Variants in PPP1R12A observed in about 807,000 individuals in gnomAD.
The protein encoded by PPP1R12A is protein phosphatase 1 regulatory subunit 12A.
In PPP1R12A, 19 loss-of-function variants were observed where a neutral mutation model predicts 139.6. The ratio of observed to expected loss-of-function variants is 0.14; its 90% CI spans 0.09 to 0.20. The LOEUF is 0.20. PPP1R12A is among the 10% of genes least tolerant of loss of function. The probability of loss-of-function intolerance (pLI) is 1.00; values close to 1 mark genes in which losing one functional copy is unlikely to be tolerated. For synonymous variants in PPP1R12A, 427 were observed against 420.6 expected (o/e 1.02, Z -0.19); for missense variants, 925 against 1,211.5 (o/e 0.76, Z 3.51).
chr12:79,895,463 T>C (rs1885047776), intron 1 of PPP1R12A, among the ~76,000 whole-genome samples: 3 of 152,290 alleles, frequency 2.0e-5, no homozygotes, highest in Admixed American at 1.3e-4. Context: ...CACTGTATGA[T>C]GTAATTTTTA....
intron 4 of PPP1R12A, 106 bp from the exon 5 acceptor site, chr12:79,828,570 TTTTC>T: frequency 2.2e-6 from 2 of 909,614 alleles, no homozygotes; most frequent in Non-Finnish European, 3.1e-6. Flanking sequence ...AATTAATTTC[TTTTC>T]AGAATTTACA....
At chr12:79,900,856 C>T (rs1885574434) in intron 1 of PPP1R12A, among the ~76,000 whole-genome samples, 1 of 152,154 alleles carries the variant, frequency 6.6e-6, no homozygotes, top group Non-Finnish European at 1.5e-5. Context: ...GGTATCCATG[C>T]ACCAAATAAA....
At chr12:79,826,910 G>A (rs1876850967) in intron 5 of PPP1R12A, among the ~76,000 whole-genome samples, 1 of 152,136 alleles carries the variant, frequency 6.6e-6, no homozygotes, top group Non-Finnish European at 1.5e-5. Context: ...TATCAGCACT[G>A]CCCATATGAA....
At chr12:79,792,328 T>G (rs1871980003) in intron 19 of PPP1R12A, among the ~76,000 whole-genome samples, 1 of 152,206 alleles carries the variant, frequency 6.6e-6, no homozygotes, top group African/African-American at 2.4e-5. Context: ...AGGCCCTGTC[T>G]ATCCTAAGCC....
chr12:79,841,465 G>A (rs942295750), intron 3 of PPP1R12A, among the ~76,000 whole-genome samples: 1 of 152,114 alleles, frequency 6.6e-6, no homozygotes, highest in African/African-American at 2.4e-5. Context: ...GGATTGTCTT[G>A]CTTTTTTTAT....
At position 79,855,014 on chromosome 12, in the gene PPP1R12A, A is replaced by C. The variant is rs188452095; in HGVS notation, c.369-9594T>G. On this transcript the variant is annotated intron_variant, in intron 2 of 24. Transcript: ENST00000450142. ...TATTATTATTATTATTTTGAGATGGACCCTTGCTCTGTCGCCCAGGCTGGA... is the reference window on the plus strand; with the variant it reads ...TATTATTATTATTATTTTGAGATGGCCCCTTGCTCTGTCGCCCAGGCTGGA... 5.2e-3 allele frequency among the ~76,000 whole-genome samples: 793 copies of C among 151,950 alleles called. 5 individuals are homozygous for C. The highest frequency in any genetic ancestry group is 0.018 in the African/African-American group (753 of 41,448).
chr12:79,778,207 CA>C (rs1295943323), intron 24 of PPP1R12A: 1 of 156,364 alleles, frequency 6.4e-6, no homozygotes, highest in Non-Finnish European at 1.4e-5. Context: ...TATATAGAAA[CA>C]TAAAGAATAA....
intron 1 of PPP1R12A, among the ~76,000 whole-genome samples, chr12:79,901,173 G>C (rs1026029169): frequency 6.6e-6 from 1 of 152,190 alleles, no homozygotes; most frequent in Non-Finnish European, 1.5e-5. Context: ...TTTGGCAGAA[G>C]TAACTGTTTG....
intron 1 of PPP1R12A, among the ~76,000 whole-genome samples, chr12:79,920,433 G>A (rs1202894238): frequency 6.6e-6 from 1 of 152,222 alleles, no homozygotes; most frequent in Non-Finnish European, 1.5e-5. Context: ...GAAAATGCCA[G>A]ACTGTTTTGA....
chr12:79,775,968 AT>A lies in PPP1R12A; in HGVS notation c.3053del (p.Asn1018MetfsTer4). On this transcript the variant is annotated frameshift_variant, in exon 25 of 25. Coordinates refer to ENST00000450142, the MANE Select transcript of PPP1R12A (RefSeq NM_002480.3). LOFTEE classifies it high-confidence loss of function. Reference sequence around the variant, plus strand: ...TGCTTATAACTCTGATCAAGGCCCCATTTTCATCCTTTAGCCTCTGGTTGTC... The same window carrying A: ...TGCTTATAACTCTGATCAAGGCCCCATTTCATCCTTTAGCCTCTGGTTGTC... The part of the protein sequence containing the change: ...KADNQRLKDE[N>X]GALIRVISKL... The A allele has an allele frequency of 6.3e-7, 1 of 1,597,440 alleles. No homozygotes were observed. Among genetic ancestry groups the A allele is most frequent in the Non-Finnish European group, 8.5e-7 (1 of 1,171,676 alleles).
At chr12:79,884,151 G>C (rs1384796487) in intron 1 of PPP1R12A, among the ~76,000 whole-genome samples, 1 of 152,082 alleles carries the variant, frequency 6.6e-6, no homozygotes, top group African/African-American at 2.4e-5. Context: ...GTAATCCTTT[G>C]ACACTTAAGA....
At chr12:79,873,969 CT>C in intron 1 of PPP1R12A, among the ~76,000 whole-genome samples, 1 of 152,260 alleles carries the variant, frequency 6.6e-6, no homozygotes, top group African/African-American at 2.4e-5. Flanking sequence ...CAAAATGAGT[CT>C]GTCACTTCAA....
intron 2 of PPP1R12A, among the ~76,000 whole-genome samples, chr12:79,865,656 G>A (rs1881877166): frequency 6.6e-6 from 1 of 152,080 alleles, no homozygotes; most frequent in Non-Finnish European, 1.5e-5. Context: ...AAAATCACAA[G>A]CATCCCTATA....
At chr12:79,779,181 A>C (rs1013142617) in intron 23 of PPP1R12A, 29 of 589,646 alleles carry the variant, frequency 4.9e-5, no homozygotes, top group Middle Eastern at 3.1e-4. Context: ...ACTTGTTTCA[A>C]AGAGTGACAG....
chr12:79,860,216 T>C (rs938335581), intron 2 of PPP1R12A, among the ~76,000 whole-genome samples: 2 of 152,160 alleles, frequency 1.3e-5, no homozygotes, highest in African/African-American at 2.4e-5. Context: ...TCCAAATAAT[T>C]ACACCAGAAA....
chr12:79,865,951 A>G (rs372659834), intron 2 of PPP1R12A, among the ~76,000 whole-genome samples: 33 of 152,362 alleles, frequency 2.2e-4, no homozygotes, highest in African/African-American at 7.7e-4. Flanking sequence ...GTTTCTTCAC[A>G]GAATTGGAAA....
intron 3 of PPP1R12A, among the ~76,000 whole-genome samples, chr12:79,839,943 A>G (rs543664425): frequency 6.6e-6 from 1 of 152,358 alleles, no homozygotes. Flanking sequence ...AAAATCTGTT[A>G]GAGATGCCCC....
At position 79,872,828 on chromosome 12, in the gene PPP1R12A, A is replaced by G. The variant is rs12582646; in HGVS notation, c.348T>C (p.Cys116=). The change falls in exon 2 of 25, where the codon TGT becomes TGC. Residue 116 remains cysteine, a synonymous_variant. Transcript: ENST00000450142. ...CTTACTCTGCAATATCAAGATATCC[A>G]CAGGAAGCTGCTGCATGTAGTGGTA... The part of the protein sequence containing the change: ...GWIPLHAAAS[C]GYLDIAEFLI... 47 of 1,613,514 alleles carry G rather than the reference A, an allele frequency of 2.9e-5. No homozygotes were observed. Among genetic ancestry groups the G allele is most frequent in the Non-Finnish European group, 3.9e-5 (46 of 1,179,708 alleles).
intron 3 of PPP1R12A, among the ~76,000 whole-genome samples, chr12:79,840,204 G>A (rs1197972375): frequency 6.6e-6 from 1 of 152,124 alleles, no homozygotes; most frequent in Non-Finnish European, 1.5e-5. Flanking sequence ...TGGAAATGGG[G>A]TAACAGTAGT....
Sources: allele counts gnomAD v4.1 joint callset (sites outside exome capture counted in the v4.1 genomes callset), GRCh38; gene constraint gnomAD v4.1.1; transcripts MANE v1.5; gene names NCBI Gene and HGNC (gene_info 2026-07-23, HGNC 2026-07-21).